CNST: variants seen among roughly 807,000 people sequenced by gnomAD.
CNST encodes the protein consortin.
CNST carries 39 observed loss-of-function variants against 72.4 expected under a neutral mutation model. The ratio of observed to expected loss-of-function variants is 0.54; its 90% CI spans 0.42 to 0.70. The LOEUF (loss-of-function observed/expected upper bound fraction) is 0.70. CNST is among the 30% of genes least tolerant of loss of function. CNST has a pLI of 0.00. For missense variants in CNST, 871 were observed against 868.5 expected (o/e 1.00, Z -0.04); for synonymous variants, 332 against 320.1 (o/e 1.04, Z -0.40).
rs756607182 is a variant in CNST, at chr1:246,647,200, G to A, written c.999G>A (p.Leu333=). ...AAAGCCAACATACAGTGGAGCCCCT[G>A]GGGAGCAGTCCCTGCTGTCATCAGA... ...SKESQHTVEP[L]GSSPCCHQMD... Residue 333 remains leucine, a synonymous_variant, in exon 9 of 11, where the codon CTG becomes CTA. Coordinates refer to ENST00000366513, the MANE Select transcript of CNST (RefSeq NM_152609.3). The A allele has an allele frequency of 2.5e-6, 4 of 1,613,952 alleles. No individual in the cohort carries two copies. The highest frequency in any genetic ancestry group is 3.3e-5 in the Admixed American group (2 of 60,010).
At chr1:246,576,076 A>T (rs1230951046) in intron 1 of CNST, among the ~76,000 whole-genome samples, 1 of 148,994 alleles carries the variant, frequency 6.7e-6, no homozygotes, top group Admixed American at 6.7e-5. Flanking sequence ...CCCTACTAAA[A>T]ATGCAAAAAT....
intron 5 of CNST, 63 bp from the exon 6 acceptor site, chr1:246,634,402 CTGTTTGTT>C (rs760530083): frequency 6.1e-6 from 5 of 820,928 alleles, no homozygotes; most frequent in Non-Finnish European, 7.7e-6. Flanking sequence ...TGCTAGTTAA[CTGTTTGTT>C]TGTTTTTTTG....
chr1:246,637,563 A>T (rs1342838521), intron 6 of CNST, among the ~76,000 whole-genome samples: 1 of 152,206 alleles, frequency 6.6e-6, no homozygotes, highest in African/African-American at 2.4e-5. Flanking sequence ...ACGGAGTCTC[A>T]TGAGGGTGTA....
At chr1:246,654,087 G>A (rs571231561) in intron 9 of CNST, among the ~76,000 whole-genome samples, 98 of 152,130 alleles carry the variant, frequency 6.4e-4, no homozygotes, top group African/African-American at 2.3e-3. Context: ...CCTTTCCCAC[G>A]GCTCTCTTTA....
At chr1:246,584,186 C>T (rs890816670) in intron 1 of CNST, among the ~76,000 whole-genome samples, 11 of 152,282 alleles carry the variant, frequency 7.2e-5, no homozygotes, top group South Asian at 6.2e-4. Context: ...AAGCGATCCT[C>T]GCAGAGTGCT....
intron 6 of CNST, among the ~76,000 whole-genome samples, chr1:246,640,146 C>A (rs1266101146): frequency 1.3e-5 from 2 of 152,140 alleles, no homozygotes; most frequent in African/African-American, 4.8e-5. Flanking sequence ...TCACACTGAA[C>A]TCAGTAAAAG....
At chr1:246,661,594 G>C (rs2103170223) in intron 10 of CNST, among the ~76,000 whole-genome samples, 1 of 152,362 alleles carries the variant, frequency 6.6e-6, no homozygotes, top group East Asian at 1.9e-4. Context: ...TTAAGGCCCT[G>C]ACTTGGTCTA....
At position 246,616,366 on chromosome 1, in the gene CNST, T is replaced by C. The variant is rs569183916; in HGVS notation, c.380-5063T>C. 9.9e-4 allele frequency among the ~76,000 whole-genome samples: 151 copies of C among 151,994 alleles called. 1 individual carries two copies. The highest frequency in any genetic ancestry group is 1.8e-3 in the Admixed American group (28 of 15,288). On this transcript the variant is annotated intron_variant, in intron 2 of 10. Coordinates refer to ENST00000366513, the MANE Select transcript of CNST (RefSeq NM_152609.3). ...AAGTTGAAGACAAGCCTGGGCAACA[T>C]AGCAAGACACCACCCCCACTGCCCC...
At chr1:246,573,115 A>G (rs1305665985) in intron 1 of CNST, among the ~76,000 whole-genome samples, 2 of 152,190 alleles carry the variant, frequency 1.3e-5, no homozygotes, top group African/African-American at 4.8e-5. Context: ...TCTTAATTCA[A>G]ATTCAGCCAT....
At chr1:246,583,654 T>A (rs1660942229) in intron 1 of CNST, among the ~76,000 whole-genome samples, 1 of 152,262 alleles carries the variant, frequency 6.6e-6, no homozygotes. Context: ...GTTAAAGCTC[T>A]GAGGTCAGAG....
chr1:246,624,298 CT>C (rs1664279032), intron 3 of CNST, among the ~76,000 whole-genome samples: 1 of 152,184 alleles, frequency 6.6e-6, no homozygotes. Context: ...AATCTTTTCT[CT>C]CCTGGGAAAG....
At chr1:246,660,588 G>A (rs1033501811) in intron 10 of CNST, among the ~76,000 whole-genome samples, 6 of 152,070 alleles carry the variant, frequency 3.9e-5, no homozygotes, top group African/African-American at 9.7e-5. Context: ...TAGCGAGTGT[G>A]GGGGTACGCG....
intron 9 of CNST, among the ~76,000 whole-genome samples, chr1:246,654,942 A>G (rs61852424): frequency 6.6e-6 from 1 of 152,026 alleles, no homozygotes; most frequent in Admixed American, 6.5e-5. Context: ...CTAGAGGGAG[A>G]GACACGTAAT....
At chr1:246,571,293 C>T (rs1336213503) in intron 1 of CNST, among the ~76,000 whole-genome samples, 2 of 152,248 alleles carry the variant, frequency 1.3e-5, no homozygotes, top group African/African-American at 2.4e-5. Flanking sequence ...AGATTACAGG[C>T]GTGTGCCACC....
intron 1 of CNST, among the ~76,000 whole-genome samples, chr1:246,580,842 G>A (rs1660730912): frequency 1.3e-5 from 2 of 151,776 alleles, no homozygotes; most frequent in Non-Finnish European, 2.9e-5. Context: ...CAGGGTTCAA[G>A]CGATTGCCCC....
At chr1:246,598,977 T>C (rs1662074656) in intron 2 of CNST, among the ~76,000 whole-genome samples, 1 of 152,210 alleles carries the variant, frequency 6.6e-6, no homozygotes, top group East Asian at 1.9e-4. Flanking sequence ...TAAGTTAACA[T>C]TTCTTTGGAC....
At chr1:246,580,083 T>G (rs1350827387) in intron 1 of CNST, among the ~76,000 whole-genome samples, 1 of 152,214 alleles carries the variant, frequency 6.6e-6, no homozygotes, top group Non-Finnish European at 1.5e-5. Context: ...AAAGGGAACT[T>G]CTGGTACTTA....
chr1:246,652,313 CAG>C (rs1212661865), intron 9 of CNST, among the ~76,000 whole-genome samples: 1 of 152,160 alleles, frequency 6.6e-6, no homozygotes, highest in African/African-American at 2.4e-5. Context: ...CATGTAAACT[CAG>C]AGTGCCAGGA....
intron 1 of CNST, among the ~76,000 whole-genome samples, chr1:246,579,365 T>C (rs1012722019): frequency 6.6e-6 from 1 of 152,194 alleles, no homozygotes; most frequent in African/African-American, 2.4e-5. Flanking sequence ...CACTACCTTA[T>C]TATAAGCTCT....
Sources: gnomAD v4.1 joint callset for allele counts (sites outside exome capture counted in the v4.1 genomes callset) on GRCh38, gnomAD v4.1.1 for gene constraint, MANE v1.5 for transcripts, NCBI Gene and HGNC (gene_info 2026-07-23, HGNC 2026-07-21) for gene names.